The following ZNF500 variants were observed in gnomAD, a reference collection of about 807,000 sequenced individuals.
The protein encoded by ZNF500 is zinc finger protein with KRAB and SCAN domains 18.
In ZNF500, 31 loss-of-function variants were observed where a neutral mutation model predicts 30.1. The observed-to-expected ratio is 1.03, with a 90% CI of 0.77 to 1.39. The LOEUF (loss-of-function observed/expected upper bound fraction) is 1.39, where lower values mean the gene tolerates loss of function less well. Among genes scored for constraint, ZNF500 ranks in the 40% most tolerant of loss-of-function variants. The probability of loss-of-function intolerance (pLI) is 0.00; values close to 1 mark genes in which losing one functional copy is unlikely to be tolerated. For synonymous variants in ZNF500, 392 were observed against 282.0 expected (o/e 1.39, Z -3.91); for missense variants, 817 against 657.8 (o/e 1.24, Z -2.65).
At chr16:4,766,943 G>A (rs537913027) in intron 1 of ZNF500, 74 bp downstream of exon 1, 1 of 152,416 alleles carries the variant, frequency 6.6e-6, no homozygotes, top group African/African-American at 2.4e-5. Context: ...CCGCGGCACA[G>A]ACCCGGGTGC....
At chr16:4,763,746 G>A (rs1165379675) in intron 2 of ZNF500, 3 of 985,334 alleles carry the variant, frequency 3.0e-6, no homozygotes, top group African/African-American at 3.5e-5. Context: ...CTGAAGCTGT[G>A]GTGGCCAGGA....
downstream of ZNF500, chr16:4,747,710 C>T (rs2082036369): frequency 6.9e-7 from 1 of 1,451,252 alleles, no homozygotes; most frequent in East Asian, 2.5e-5. Flanking sequence ...CCTTGTTGTT[C>T]CTGCATTTCC....
chr16:4,747,644 T>A (rs773993049), downstream of ZNF500: 7 of 1,589,722 alleles, frequency 4.4e-6, no homozygotes, highest in Non-Finnish European at 8.6e-7. Flanking sequence ...GGTAGTGGGA[T>A]CCCAGGAGTG....
chr16:4,746,995 AG>A, downstream of ZNF500: 1 of 1,541,708 alleles, frequency 6.5e-7, no homozygotes, highest in Non-Finnish European at 8.7e-7. Flanking sequence ...GGAGACGCAG[AG>A]GGGGCATCTC....
chr16:4,751,411 C>G lies in ZNF500; in HGVS notation c.*965G>C. On this transcript the variant is annotated 3_prime_UTR_variant, in exon 6 of 6. Coordinates refer to ENST00000219478, the MANE Select transcript of ZNF500 (RefSeq NM_021646.4). Reference sequence around the variant, plus strand: ...TGGGGAGATGTCAGGCCCGTCACATCCCAGGCAACATGTCAGGAAGATGGA... The same window carrying G: ...TGGGGAGATGTCAGGCCCGTCACATGCCAGGCAACATGTCAGGAAGATGGA... 1 of 655,474 alleles carries G rather than the reference C, an allele frequency of 1.5e-6. No individual in the cohort carries two copies. The highest frequency in any genetic ancestry group is 2.9e-5 in the East Asian group (1 of 34,142). The allele number at this position is 655,474 out of a possible 1,614,324, so 40.6% of individuals were successfully genotyped here. A position where few individuals can be genotyped will look rare whatever the true frequency, so the allele number is the denominator to read the frequency against.
At chr16:4,759,732 G>A (rs900974223) in intron 5 of ZNF500, among the ~76,000 whole-genome samples, 9 of 152,004 alleles carry the variant, frequency 5.9e-5, no homozygotes, top group African/African-American at 1.9e-4. Context: ...ATATCTCACT[G>A]TCATTAGAAA....
In ZNF500 at chr16:4,752,287, G is replaced by A; in HGVS notation, c.*89C>T. ...GGCCATGGGAGGAAACGGGCAGCTG[G>A]CAATGCTTTCGGACCAGGCTGTCTA... On this transcript the variant is annotated 3_prime_UTR_variant, in exon 6 of 6. Coordinates refer to ENST00000219478, the MANE Select transcript of ZNF500 (RefSeq NM_021646.4). 1 of 1,429,980 alleles carries A rather than the reference G, an allele frequency of 7.0e-7. No individual in the cohort carries two copies. Among genetic ancestry groups the A allele is most frequent in the Non-Finnish European group, 9.1e-7 (1 of 1,096,806 alleles). The allele number at this position is 1,429,980 out of a possible 1,614,324, so 88.6% of individuals were successfully genotyped here.
intron 2 of ZNF500, 29 bp from the exon 3 acceptor site, chr16:4,762,785 G>C (rs1289286210): frequency 6.5e-7 from 1 of 1,550,038 alleles, no homozygotes; most frequent in East Asian, 2.3e-5. Context: ...CTCCCCACCA[G>C]CTCCCAGAAG....
At chr16:4,755,438 TC>T (rs2082126278) in intron 5 of ZNF500, among the ~76,000 whole-genome samples, 1 of 152,268 alleles carries the variant, frequency 6.6e-6, no homozygotes, top group South Asian at 2.1e-4. Flanking sequence ...TACCTCAGGC[TC>T]CCGAGTAGCT....
At chr16:4,763,766 G>C in intron 2 of ZNF500, 2 of 985,424 alleles carry the variant, frequency 2.0e-6, no homozygotes, top group Non-Finnish European at 2.4e-6. Flanking sequence ...AAAGAGGCTG[G>C]CCGGCTGGGA....
chr16:4,755,028 T>C (rs1371870258), intron 5 of ZNF500, among the ~76,000 whole-genome samples: 3 of 152,224 alleles, frequency 2.0e-5, no homozygotes, highest in African/African-American at 7.2e-5. Flanking sequence ...GCTCCCTCTC[T>C]GCTTTCCACC....
At chr16:4,762,199 A>T in intron 4 of ZNF500, 72 bp downstream of exon 4, 1 of 1,530,568 alleles carries the variant, frequency 6.5e-7, no homozygotes, top group South Asian at 1.2e-5. Flanking sequence ...GTGTCCCCTT[A>T]ACAAGGAAGT....
Position 4,752,764 on chromosome 16 carries a change from G to C in ZNF500, c.1055C>G (p.Pro352Arg), listed in dbSNP as rs758232343. 12 of 1,614,146 alleles carry C rather than the reference G, an allele frequency of 7.4e-6. No homozygotes were observed. The highest frequency in any genetic ancestry group is 1.6e-4 in the Middle Eastern group (1 of 6,084). ...CTTCCCACAGACTAGGCACTTGTAA[G>C]GCCGCTCGCCCGTGTGTGTGCGCTG... is the stretch of plus-strand genomic sequence containing the variant. ...KHQRTHTGER[P>R]YKCLVCGKGF... Residue 352 changes from proline (P) to arginine (R), a missense_variant, in exon 6 of 6, where the codon CCT (proline) becomes CGT (arginine). Pro to Arg is a moderately radical substitution (Grantham distance 103). Transcript: ENST00000219478.
intron 2 of ZNF500, among the ~76,000 whole-genome samples, chr16:4,764,888 C>G (rs1177717020): frequency 6.6e-6 from 1 of 152,130 alleles, no homozygotes; most frequent in African/African-American, 2.4e-5. Flanking sequence ...GCTCTAGAAC[C>G]TCTGGGGGCT....
In ZNF500 at chr16:4,760,422, C is replaced by T. The variant is rs915714911; in HGVS notation, c.760+70G>A. On this transcript the variant is annotated intron_variant, in intron 5 of 5. Coordinates refer to ENST00000219478, the MANE Select transcript of ZNF500 (RefSeq NM_021646.4). ...GCCAACTGGACCAACAGAACCAAGCCCCGGAGCTGGTGCCTGACAGTTCCT... is the reference window on the plus strand; with the variant it reads ...GCCAACTGGACCAACAGAACCAAGCTCCGGAGCTGGTGCCTGACAGTTCCT... 2.1e-6 allele frequency: 3 copies of T among 1,454,624 alleles called. No homozygotes were observed. In the African/African-American group the frequency reaches 4.2e-5, roughly 20 times the overall value. 90.1% of individuals were successfully genotyped at this position (1,454,624 alleles called of 1,614,324 possible).
intron 5 of ZNF500, among the ~76,000 whole-genome samples, chr16:4,756,945 T>C (rs1283834548): frequency 6.6e-6 from 1 of 151,956 alleles, no homozygotes; most frequent in Non-Finnish European, 1.5e-5. Flanking sequence ...ATTGTGCTAC[T>C]GCACTCCAAC....
intron 2 of ZNF500, among the ~76,000 whole-genome samples, chr16:4,764,469 C>A (rs1451318172): frequency 6.6e-6 from 1 of 151,086 alleles, no homozygotes; most frequent in Non-Finnish European, 1.5e-5. Flanking sequence ...GAGAGAGACT[C>A]TGTCTCACAA....
chr16:4,763,975 A>C (rs779581203), intron 2 of ZNF500: 6 of 985,364 alleles, frequency 6.1e-6, no homozygotes, highest in Non-Finnish European at 7.2e-6. Flanking sequence ...GCCCTGAAAA[A>C]TGAACTGAAA....
Position 4,760,500 on chromosome 16 carries a change from TC to T in ZNF500, c.751del (p.Glu251ArgfsTer21). Reference protein sequence around the residue: ...MDPAQRDAPLENEGPGIQLED... With the variant: ...MDPAQRDAPLXNEGPGIQLED... The stretch of plus-strand genomic sequence containing the variant: ...AATCACTTGCAAGTTACCTTCATTC[TC>T]CAGCGGCGCGTCCCGCTGAGCTGGG... On this transcript the variant is annotated frameshift_variant, in exon 5 of 6. Transcript: ENST00000219478. LOFTEE classifies it low-confidence loss of function (END_TRUNC). 6.2e-7 allele frequency: 1 copy of T among 1,613,512 alleles called. No homozygotes were observed. Among genetic ancestry groups the T allele is most frequent in the Non-Finnish European group, 8.5e-7 (1 of 1,179,690 alleles).
Sources: gnomAD v4.1 joint callset for allele counts (sites outside exome capture counted in the v4.1 genomes callset) on GRCh38, gnomAD v4.1.1 for gene constraint, MANE v1.5 for transcripts, NCBI Gene and HGNC (gene_info 2026-07-23, HGNC 2026-07-21) for gene names.